POLD3: variants seen among roughly 807,000 people sequenced by gnomAD.
POLD3 encodes DNA polymerase delta 3, accessory subunit.
POLD3 carries 19 observed loss-of-function variants against 58.2 expected under a neutral mutation model. The observed-to-expected ratio is 0.33, with a 90% confidence interval of 0.23 to 0.48. The LOEUF (loss-of-function observed/expected upper bound fraction) is 0.48. POLD3 is among the 20% of genes least tolerant of loss of function. POLD3 has a pLI of 0.99. For missense variants in POLD3, 504 were observed against 545.5 expected, an observed-to-expected ratio of 0.92 and a Z score of 0.76; for synonymous variants, 172 against 193.5, an observed-to-expected ratio of 0.89 and a Z score of 0.92.
intron 6 of POLD3, 29 bp downstream of exon 6, chr11:74,618,833 T>C (rs2032163337): frequency 1.9e-6 from 3 of 1,584,086 alleles, no homozygotes; most frequent in Admixed American, 1.7e-5. Context: ...TACCCCTTCA[T>C]TGCAGCTCAG....
chr11:74,643,787 A>G (rs565359367), downstream of POLD3, among the ~76,000 whole-genome samples: 8 of 152,384 alleles, frequency 5.2e-5, no homozygotes, highest in African/African-American at 1.2e-4. Context: ...TTCTCAGTTA[A>G]GAGTGACAGC....
intron 11 of POLD3, 47 bp downstream of exon 11, chr11:74,636,322 AC>A: frequency 6.3e-7 from 1 of 1,583,712 alleles, no homozygotes; most frequent in East Asian, 2.2e-5. Context: ...ATCTCTTATT[AC>A]CACAGAGGCA....
At position 74,662,203 on chromosome 11, in the gene POLD3, G is replaced by A. The variant is rs532968511; in HGVS notation, c.370-6574G>A. Among the ~76,000 whole-genome samples the A allele has an allele frequency of 2.0e-5, 3 of 152,348 alleles. No homozygotes were observed. In the South Asian group the frequency reaches 6.2e-4, roughly 32 times the overall value. ...CACTGTGGGCAAGCTGGTTACTTAAGTGTAAGACAAAGTCCCCTTTACTTT... is the reference window on the plus strand; with the variant it reads ...CACTGTGGGCAAGCTGGTTACTTAAATGTAAGACAAAGTCCCCTTTACTTT... On this transcript the variant is annotated intron_variant, in intron 4 of 4. Coordinates refer to the POLD3 transcript ENST00000524752.
chr11:74,598,529 G>A (rs1433650906), intron 2 of POLD3, among the ~76,000 whole-genome samples: 1 of 152,098 alleles, frequency 6.6e-6, no homozygotes, highest in Non-Finnish European at 1.5e-5. Flanking sequence ...TTTGGATAGG[G>A]CACAGTGGGA....
At chr11:74,620,189 C>A in intron 7 of POLD3, 100 bp downstream of exon 7, 1 of 841,676 alleles carries the variant, frequency 1.2e-6, no homozygotes, top group South Asian at 1.4e-5. Context: ...TTTGCCAATC[C>A]AAGAGACTAC....
chr11:74,619,317 CATT>C (rs1380460928), intron 6 of POLD3, among the ~76,000 whole-genome samples: 1 of 152,132 alleles, frequency 6.6e-6, no homozygotes, highest in Non-Finnish European at 1.5e-5. Context: ...AGAAAAGTAT[CATT>C]AAGATACTAT....
intron 4 of POLD3, among the ~76,000 whole-genome samples, chr11:74,656,603 C>A (rs924686291): frequency 6.7e-6 from 1 of 148,802 alleles, no homozygotes; most frequent in Non-Finnish European, 1.5e-5. Flanking sequence ...AAAAATTCTT[C>A]ATTTCTTCAT....
chr11:74,642,526 A>G lies in POLD3; in HGVS notation c.*1760A>G, dbSNP rs1165266364. 1.0e-6 allele frequency: 1 copy of G among 984,878 alleles called. No individual in the cohort carries two copies. The highest frequency in any genetic ancestry group is 1.7e-5 in the African/African-American group (1 of 57,222). The allele number at this position is 984,878 out of a possible 1,614,324, so 61.0% of individuals were successfully genotyped here. A position where few individuals can be genotyped will look rare whatever the true frequency, so the allele number is the denominator to read the frequency against. ...GGGGTCTCGACTAAAACTGAATTTGAATTGGAAAATTCTGGTGTTGGTTGG... is the reference window on the plus strand; with the variant it reads ...GGGGTCTCGACTAAAACTGAATTTGGATTGGAAAATTCTGGTGTTGGTTGG... On this transcript the variant is annotated 3_prime_UTR_variant, in exon 12 of 12. Transcript: ENST00000263681.
intron 7 of POLD3, among the ~76,000 whole-genome samples, chr11:74,623,934 G>A (rs2032346655): frequency 6.6e-6 from 1 of 152,176 alleles, no homozygotes; most frequent in African/African-American, 2.4e-5. Flanking sequence ...AACCAAGACA[G>A]AAGAAACTCT....
chr11:74,636,963 G>C lies in POLD3; in HGVS notation c.1198+688G>C, dbSNP rs114116687. Among the ~76,000 whole-genome samples, 1,399 of 152,264 alleles carry C rather than the reference G, an allele frequency of 9.2e-3. 20 individuals are homozygous for C. The highest frequency in any genetic ancestry group is 0.032 in the African/African-American group (1,329 of 41,542). On this transcript the variant is annotated intron_variant, in intron 11 of 11. Coordinates refer to ENST00000263681, the MANE Select transcript of POLD3 (RefSeq NM_006591.3). ...TTCCATAATCACACTAGACTTCTGT[G>C]GAGCTTTTAAGATTTAGCACTTGAG...
intron 7 of POLD3, among the ~76,000 whole-genome samples, chr11:74,622,758 T>G (rs2032305246): frequency 6.6e-6 from 1 of 152,204 alleles, no homozygotes; most frequent in East Asian, 1.9e-4. Context: ...TAAAATGATG[T>G]GTACTCACTT....
chr11:74,611,925 T>C (rs971710491), intron 4 of POLD3, among the ~76,000 whole-genome samples: 99 of 152,350 alleles, frequency 6.5e-4, no homozygotes, highest in African/African-American at 2.3e-3. Context: ...TAAATTAAAT[T>C]TGTCTAACTG....
intron 11 of POLD3, among the ~76,000 whole-genome samples, chr11:74,639,855 T>C (rs1184942488): frequency 6.6e-6 from 1 of 152,246 alleles, no homozygotes; most frequent in Non-Finnish European, 1.5e-5. Context: ...TTTCTCAATT[T>C]ATCACTGTCA....
chr11:74,657,222 T>A (rs1031766554), intron 4 of POLD3, among the ~76,000 whole-genome samples: 13 of 152,208 alleles, frequency 8.5e-5, no homozygotes, highest in South Asian at 8.3e-4. Context: ...CTTTTTTTTT[T>A]AATCCATTCA....
At chr11:74,597,604 G>T (rs1218934492) in intron 2 of POLD3, among the ~76,000 whole-genome samples, 1 of 152,176 alleles carries the variant, frequency 6.6e-6, no homozygotes, top group South Asian at 2.1e-4. Context: ...GGAACTACAG[G>T]CGCATGCCAC....
rs1028326797 is a variant in POLD3, at chr11:74,641,050, A to G, written c.*284A>G. 2.6e-5 allele frequency: 28 copies of G among 1,073,706 alleles called. No individual in the cohort carries two copies. The African/African-American group carries it at 4.5e-4, about 17-fold the overall frequency. The allele number at this position is 1,073,706 out of a possible 1,614,324, so 66.5% of individuals were successfully genotyped here. ...CCAAAATTATACTGGAACAGTTTTC[A>G]GAATTCTCACTGAAGCCATTTAGTG... On this transcript the variant is annotated 3_prime_UTR_variant, in exon 12 of 12. Transcript: ENST00000263681.
intron 4 of POLD3, among the ~76,000 whole-genome samples, chr11:74,653,212 CTAATACT>C (rs2033089593): frequency 6.6e-6 from 1 of 152,138 alleles, no homozygotes; most frequent in African/African-American, 2.4e-5. Context: ...TTGCACCAAC[CTAATACT>C]TAACATCATA....
exon 5 of POLD3, chr11:74,669,082 C>T (rs2033308517): frequency 7.6e-6 from 2 of 262,124 alleles, no homozygotes. Flanking sequence ...AGTCAGAGGA[C>T]CCAGGGTCTC....
chr11:74,660,640 C>T (rs2033194074), intron 4 of POLD3, among the ~76,000 whole-genome samples: 1 of 152,080 alleles, frequency 6.6e-6, no homozygotes, highest in Non-Finnish European at 1.5e-5. Context: ...TTGCTGTTGT[C>T]ATGATAGTGA....
Sources: allele counts gnomAD v4.1 joint callset (sites outside exome capture counted in the v4.1 genomes callset), GRCh38; gene constraint gnomAD v4.1.1; transcripts MANE v1.5; gene names NCBI Gene and HGNC (gene_info 2026-07-23, HGNC 2026-07-21).